PFKFB4: variants seen among roughly 807,000 people sequenced by gnomAD.
PFKFB4 encodes 6-phosphofructo-2-kinase/fructose-2,6-biphosphatase 4.
PFKFB4 carries 42 observed loss-of-function variants against 62.8 expected under a neutral mutation model. The observed-to-expected ratio is 0.67, with a 90% CI of 0.52 to 0.86. The LOEUF is 0.86. PFKFB4 is among the 40% of genes least tolerant of loss of function. PFKFB4 has a pLI of 0.00. For synonymous variants in PFKFB4, 204 were observed against 240.7 expected, an observed-to-expected ratio of 0.85 and a Z score of 1.41; for missense variants, 475 against 627.2, an observed-to-expected ratio of 0.76 and a Z score of 2.59.
intron 9 of PFKFB4, 134 bp downstream of exon 9, chr3:48,535,378 C>T (rs1401716839): frequency 1.4e-5 from 11 of 791,316 alleles, no homozygotes; most frequent in Non-Finnish European, 2.2e-5. Context: ...TCTCTGCTCC[C>T]AGCCCCTAGG....
At chr3:48,550,050 T>C (rs751980420) in intron 2 of PFKFB4, 68 bp downstream of exon 2, 43 of 1,281,466 alleles carry the variant, frequency 3.4e-5, no homozygotes, top group South Asian at 4.7e-5. Flanking sequence ...TAATAGAGAA[T>C]AGGCCTTCTC....
chr3:48,524,376 T>G (rs965396067), intron 10 of PFKFB4, among the ~76,000 whole-genome samples: 2 of 152,180 alleles, frequency 1.3e-5, no homozygotes, highest in African/African-American at 4.8e-5. Context: ...TTAGAGATTT[T>G]CATCAGTTTC....
At chr3:48,548,097 A>C (rs940508739) in intron 3 of PFKFB4, 6 of 152,132 alleles carry the variant, frequency 3.9e-5, no homozygotes, top group African/African-American at 1.2e-4. Context: ...AACCTCTCTG[A>C]GTCTAGGTCT....
Position 48,521,165 on chromosome 3 carries a change from A to G in PFKFB4, c.1350+821T>C, listed in dbSNP as rs1339186022. ...TGTCCTGGTCCAGCCCAAGACGTGC[A>G]TCCTCAGCAGGGACCCAGAGCCCAA... is the stretch of plus-strand genomic sequence containing the variant. On this transcript the variant is annotated intron_variant, in intron 13 of 13. Transcript: ENST00000232375. The surrounding 1 kb of genome is among the most constrained non-coding windows in gnomAD (Gnocchi z 5.3). Among the ~76,000 whole-genome samples the G allele has an allele frequency of 4.6e-5, 7 of 152,210 alleles. No individual in the cohort carries two copies. Among genetic ancestry groups the G allele is most frequent in the Non-Finnish European group, 1.5e-5 (1 of 68,026 alleles).
In PFKFB4 at chr3:48,519,756, A is replaced by G. The variant is rs746109622; in HGVS notation, c.1401T>C (p.Ala467=). 19 of 1,612,712 alleles carry G rather than the reference A, an allele frequency of 1.2e-5. No individual in the cohort carries two copies. The highest frequency in any genetic ancestry group is 3.3e-5 in the South Asian group (3 of 91,040). Residue 467 remains alanine, a synonymous_variant, in exon 14 of 14, where the codon GCT becomes GCC. Transcript: ENST00000232375. Reference sequence around the variant, plus strand: ...CAGTGGATGAACATGGTCACTGGTGAGCAGGCACCGTGACAAGGGCTTCCT... The same window carrying G: ...CAGTGGATGAACATGGTCACTGGTGGGCAGGCACCGTGACAAGGGCTTCCT... ...PPEEALVTVP[A]HQ
At chr3:48,525,719 C>A in intron 9 of PFKFB4, 50 bp from the exon 10 acceptor site, 1 of 1,048,710 alleles carries the variant, frequency 9.5e-7, no homozygotes, top group Non-Finnish European at 1.4e-6. Flanking sequence ...AGAAGATGAG[C>A]CTTGGGGACA....
chr3:48,519,557 C>T lies in PFKFB4; in HGVS notation c.*190G>A, dbSNP rs2042023766. On this transcript the variant is annotated 3_prime_UTR_variant, in exon 14 of 14. Coordinates refer to ENST00000232375, the MANE Select transcript of PFKFB4 (RefSeq NM_004567.4). ...TCTTAGCAGCAGGTCAGGAGCCACG[C>T]ACAACCTTGTCGCCGACTGTCAACA... 1.7e-6 allele frequency: 1 copy of T among 584,808 alleles called. No homozygotes were observed. The allele number at this position is 584,808 out of a possible 1,614,324, so 36.2% of individuals were successfully genotyped here. A position where few individuals can be genotyped will look rare whatever the true frequency, so the allele number is the denominator to read the frequency against.
In PFKFB4 at chr3:48,518,286, G is replaced by A. The variant is rs1190286465; in HGVS notation, c.*1461C>T. ...TGAGAGACCACCGGCCAGGGCCAGG[G>A]ACGCTAACTTCTCTCAGGGACAGGT... On this transcript the variant is annotated 3_prime_UTR_variant, in exon 14 of 14. Transcript: ENST00000232375. 6.6e-6 allele frequency: 1 copy of A among 152,596 alleles called. No individual in the cohort carries two copies. The highest frequency in any genetic ancestry group is 2.4e-5 in the African/African-American group (1 of 41,486). 9.5% of individuals were successfully genotyped at this position (152,596 alleles called of 1,614,324 possible).
In PFKFB4 at chr3:48,541,095, T is replaced by C. The variant is rs1396570343; in HGVS notation, c.379-1324A>G. Among the ~76,000 whole-genome samples the C allele has an allele frequency of 1.1e-4, 16 of 145,734 alleles. 1 individual carries two copies. Among genetic ancestry groups the C allele is most frequent in the African/African-American group, 4.1e-4 (16 of 39,210 alleles). On this transcript the variant is annotated intron_variant, in intron 4 of 13. Transcript: ENST00000232375. ...CAACCACATCTGGCTAATTTTTTTTTTTTTTTTGAGACGGAGTCTTGCTCT... is the reference window on the plus strand; with the variant it reads ...CAACCACATCTGGCTAATTTTTTTTCTTTTTTTGAGACGGAGTCTTGCTCT...
chr3:48,552,850 C>T (rs76987765), intron 1 of PFKFB4, among the ~76,000 whole-genome samples: 209 of 152,340 alleles, frequency 1.4e-3, no homozygotes, highest in African/African-American at 4.6e-3. Context: ...CACCCACATG[C>T]GCAGCACAAG....
intron 6 of PFKFB4, 48 bp downstream of exon 6, chr3:48,539,206 T>C: frequency 2.1e-6 from 3 of 1,431,756 alleles, no homozygotes; most frequent in Non-Finnish European, 2.0e-6. Context: ...TGAAAAGGGA[T>C]GTCCCTGTCA....
In PFKFB4 at chr3:48,556,781, G is replaced by C. The variant is rs756966850; in HGVS notation, c.-4C>G. On this transcript the variant is annotated 5_prime_UTR_variant, in exon 1 of 14. Coordinates refer to ENST00000232375, the MANE Select transcript of PFKFB4 (RefSeq NM_004567.4). This position sits in a 1 kb window ranked among gnomAD's most constrained non-coding sequence, Gnocchi z 5.7. Reference sequence around the variant, plus strand: ...TCAATTCCCGTGGGGACGCCATCCCGGGGCCGGGATGAGTCGGACTGCGCC... The same window carrying C: ...TCAATTCCCGTGGGGACGCCATCCCCGGGCCGGGATGAGTCGGACTGCGCC... 6 of 1,599,590 alleles carry C rather than the reference G, an allele frequency of 3.8e-6. No homozygotes were observed. The highest frequency in any genetic ancestry group is 3.3e-5 in the South Asian group (3 of 90,126).
intron 13 of PFKFB4, among the ~76,000 whole-genome samples, chr3:48,520,291 G>A (rs371060123): frequency 8.5e-5 from 13 of 152,294 alleles, no homozygotes; most frequent in South Asian, 2.1e-4. Flanking sequence ...CAGAACTGGG[G>A]TACAGGGCCT....
chr3:48,561,068 C>T (rs768740053), upstream of PFKFB4: 110 of 1,283,150 alleles, frequency 8.6e-5, no homozygotes, highest in South Asian at 1.1e-4. The surrounding 1 kb of genome is among the most constrained non-coding windows in gnomAD (Gnocchi z 5.2). Flanking sequence ...TGCTGCTCCC[C>T]GGCCCCAGGT....
intron 9 of PFKFB4, among the ~76,000 whole-genome samples, chr3:48,527,965 A>G (rs2042317306): frequency 6.6e-6 from 1 of 152,112 alleles, no homozygotes; most frequent in South Asian, 2.1e-4. Context: ...CTGGGATTAC[A>G]GTCATGAGCC....
intron 9 of PFKFB4, among the ~76,000 whole-genome samples, chr3:48,530,302 G>A (rs1396023558): frequency 6.6e-6 from 1 of 152,038 alleles, no homozygotes; most frequent in Non-Finnish European, 1.5e-5. Context: ...CCATGATGCT[G>A]TACTCTGCCC....
In PFKFB4 at chr3:48,535,601, AGACCTTCAGATCCTT is replaced by A; in HGVS notation, c.883_897del (p.Lys295_Val299del). ...ATTGTCCTCTTCATCTGGCTTGTCC[AGACCTTCAGATCCTT>A]GATATTTTGGTCACTGATGAACTGG... On this transcript the variant is annotated inframe_deletion, in exon 9 of 14. Transcript: ENST00000232375. The A allele has an allele frequency of 6.2e-7, 1 of 1,614,140 alleles. No individual in the cohort carries two copies. Among genetic ancestry groups the A allele is most frequent in the Non-Finnish European group, 8.5e-7 (1 of 1,180,002 alleles).
At chr3:48,562,877 A>C (rs1329995193), upstream of PFKFB4, 7 of 1,600,076 alleles carry the variant, frequency 4.4e-6, no homozygotes, top group Non-Finnish European at 6.0e-6. This position sits in a 1 kb window ranked among gnomAD's most constrained non-coding sequence, Gnocchi z 4.3. Flanking sequence ...TAAGATCTGC[A>C]AGAGGCCGAT....
chr3:48,544,724 G>T (rs1443301750), intron 3 of PFKFB4, among the ~76,000 whole-genome samples: 1 of 143,856 alleles, frequency 7.0e-6, no homozygotes. Flanking sequence ...GACACAGAAG[G>T]TTTGTTTTTT....
Sources: gnomAD v4.1 joint callset for allele counts (sites outside exome capture counted in the v4.1 genomes callset) on GRCh38, gnomAD v4.1.1 for gene constraint, Gnocchi (gnomAD v3.1) non-coding constraint, MANE v1.5 for transcripts, NCBI Gene and HGNC (gene_info 2026-07-23, HGNC 2026-07-21) for gene names.